NOS1: variants seen among roughly 807,000 people sequenced by gnomAD.
The protein encoded by NOS1 is nitric oxide synthase 1.
In NOS1, 51 loss-of-function variants were observed where a neutral mutation model predicts 164.5. The ratio of observed to expected loss-of-function variants is 0.31; its 90% CI spans 0.25 to 0.39. NOS1 has a LOEUF of 0.39. Ranked by LOEUF, NOS1 falls within the 10% of genes least tolerant of loss-of-function variation. The pLI is 1.00. For synonymous variants in NOS1, 719 were observed against 745.8 expected, an observed-to-expected ratio of 0.96 and a Z score of 0.59; for missense variants, 1,362 against 1,885.6, an observed-to-expected ratio of 0.72 and a Z score of 5.14.
rs932248336 is a variant in NOS1, at chr12:117,211,177, C to G, written c.*4132G>C. Reference sequence around the variant, plus strand: ...TTTCTACTAACTGGCTGACTGGTCTCCAACTCCTGACCTCAACTGATACAC... The same window carrying G: ...TTTCTACTAACTGGCTGACTGGTCTGCAACTCCTGACCTCAACTGATACAC... On this transcript the variant is annotated 3_prime_UTR_variant, in exon 29 of 29. Transcript: ENST00000317775. The G allele has an allele frequency of 4.6e-6, 4 of 877,120 alleles. No homozygotes were observed. In the African/African-American group the frequency reaches 7.3e-5, roughly 16 times the overall value. 54.3% of individuals were successfully genotyped at this position (877,120 alleles called of 1,614,324 possible). A position where few individuals can be genotyped will look rare whatever the true frequency, so the allele number is the denominator to read the frequency against.
At chr12:117,256,485 C>T (rs1871464900) in intron 16 of NOS1, among the ~76,000 whole-genome samples, 1 of 151,706 alleles carries the variant, frequency 6.6e-6, no homozygotes, top group Non-Finnish European at 1.5e-5. Flanking sequence ...ACCATGTTGG[C>T]CAGGCTGGTC....
chr12:117,298,307 G>T (rs1236110479), intron 3 of NOS1, among the ~76,000 whole-genome samples: 3 of 152,054 alleles, frequency 2.0e-5, no homozygotes, highest in African/African-American at 7.2e-5. Context: ...GGCCACCACT[G>T]ATCTGACAGG....
intron 11 of NOS1, 28 bp from the exon 12 acceptor site, chr12:117,265,538 G>C: frequency 2.8e-6 from 4 of 1,448,396 alleles, no homozygotes; most frequent in Non-Finnish European, 3.7e-6. Flanking sequence ...ACAGGGGTCA[G>C]GAGGTATGAG....
intron 3 of NOS1, among the ~76,000 whole-genome samples, chr12:117,304,479 C>T (rs1045178480): frequency 2.0e-5 from 3 of 152,154 alleles, no homozygotes; most frequent in African/African-American, 7.2e-5. Context: ...ATGTGAGTCT[C>T]TCCCCACACA....
At chr12:117,273,920 A>G (rs1054399404) in intron 9 of NOS1, among the ~76,000 whole-genome samples, 6 of 152,184 alleles carry the variant, frequency 3.9e-5, no homozygotes, top group African/African-American at 1.4e-4. Context: ...AGATTTTATG[A>G]ATAAGACCTC....
chr12:117,222,614 A>C, intron 26 of NOS1, 101 bp downstream of exon 26: 1 of 1,122,258 alleles, frequency 8.9e-7, no homozygotes, highest in Non-Finnish European at 1.3e-6. Flanking sequence ...TAGAGGGAAA[A>C]TCAGGAAGCT....
rs1254032995 is a variant in NOS1 at position 117,209,215 on chromosome 12, A to AG, written c.*6093dup. ...TTCTCTTGACCCTGAAGTCCAAGAG[A>AG]GGGGTGTTGCCCCCTGGGGACATTG... On this transcript the variant is annotated 3_prime_UTR_variant, in exon 29 of 29. Transcript: ENST00000317775. 1 of 985,252 alleles carries AG rather than the reference A, an allele frequency of 1.0e-6. No homozygotes were observed. The highest frequency in any genetic ancestry group is 1.1e-4 in the East Asian group (1 of 8,818). The allele number at this position is 985,252 out of a possible 1,614,324, so 61.0% of individuals were successfully genotyped here.
intron 3 of NOS1, among the ~76,000 whole-genome samples, chr12:117,290,868 G>A (rs554502098): frequency 6.6e-6 from 1 of 152,182 alleles, no homozygotes; most frequent in African/African-American, 2.4e-5. Flanking sequence ...TTCTGTGACA[G>A]TCCAAACTCA....
At chr12:117,324,305 T>C (rs1362809081) in intron 2 of NOS1, among the ~76,000 whole-genome samples, 1 of 151,634 alleles carries the variant, frequency 6.6e-6, no homozygotes, top group Non-Finnish European at 1.5e-5. Flanking sequence ...GAGGGAGGGG[T>C]TATCAGAGCA....
chr12:117,341,459 T>C (rs934775754), intron 1 of NOS1, among the ~76,000 whole-genome samples: 1 of 152,182 alleles, frequency 6.6e-6, no homozygotes, highest in Non-Finnish European at 1.5e-5. Flanking sequence ...ATCTGGGGAA[T>C]CACAGAGTCT....
intron 2 of NOS1, among the ~76,000 whole-genome samples, chr12:117,315,899 A>C (rs1874646538): frequency 6.6e-6 from 1 of 152,176 alleles, no homozygotes. Flanking sequence ...TATCAGAAGG[A>C]AACAGAGAAA....
At position 117,214,799 on chromosome 12, in the gene NOS1, G is replaced by A. The variant is rs1225556324; in HGVS notation, c.*510C>T. Reference sequence around the variant, plus strand: ...GTGGCAATCTAAGATCGACACACTTGTGCAGGGAAGAGGACGGACAGAGAC... The same window carrying A: ...GTGGCAATCTAAGATCGACACACTTATGCAGGGAAGAGGACGGACAGAGAC... On this transcript the variant is annotated 3_prime_UTR_variant, in exon 29 of 29. Coordinates refer to ENST00000317775, the MANE Select transcript of NOS1 (RefSeq NM_000620.5). 1 of 985,428 alleles carries A rather than the reference G, an allele frequency of 1.0e-6. No individual in the cohort carries two copies. Among genetic ancestry groups the A allele is most frequent in the Admixed American group, 6.2e-5 (1 of 16,176 alleles). The allele number at this position is 985,428 out of a possible 1,614,324, so 61.0% of individuals were successfully genotyped here.
At chr12:117,326,369 A>G (rs1452320395) in intron 2 of NOS1, among the ~76,000 whole-genome samples, 1 of 148,640 alleles carries the variant, frequency 6.7e-6, no homozygotes, top group Non-Finnish European at 1.5e-5. Flanking sequence ...ATGGGTGACA[A>G]AGCGAGACTC....
chr12:117,233,215 T>C (rs1016878992), intron 21 of NOS1, among the ~76,000 whole-genome samples: 2 of 151,386 alleles, frequency 1.3e-5, no homozygotes, highest in Non-Finnish European at 1.5e-5. Context: ...GCCTGGCTAA[T>C]TTTTTGTATT....
intron 10 of NOS1, among the ~76,000 whole-genome samples, chr12:117,269,429 G>A (rs1336306715): frequency 1.3e-5 from 2 of 148,714 alleles, no homozygotes; most frequent in Non-Finnish European, 3.0e-5. Context: ...TATTCCAGAT[G>A]TGACGGGCCC....
In NOS1 at chr12:117,359,876, T is replaced by TTA. The variant is rs56787288; in HGVS notation, c.-421+1634_-421+1635dup. ...GTCCCAGAGCATTACAATAATGGTT[T>TTA]TATATATATATATATATATATATAT... On this transcript the variant is annotated intron_variant, in intron 1 of 28. Coordinates refer to ENST00000317775, the MANE Select transcript of NOS1 (RefSeq NM_000620.5). 1.4e-3 allele frequency among the ~76,000 whole-genome samples: 51 copies of TTA among 36,938 alleles called. 5 individuals are homozygous for TTA. Among genetic ancestry groups the TTA allele is most frequent in the Admixed American group, 1.9e-3 (5 of 2,572 alleles). The allele number at this position is 36,938 out of a possible 152,430, so 24.2% of individuals were successfully genotyped here.
At chr12:117,237,613 T>C (rs1297944077) in intron 20 of NOS1, among the ~76,000 whole-genome samples, 2 of 152,000 alleles carry the variant, frequency 1.3e-5, no homozygotes, top group African/African-American at 4.8e-5. Flanking sequence ...CACACATGCT[T>C]GGCGGTGGCT....
At chr12:117,350,521 T>C (rs144255093) in intron 1 of NOS1, among the ~76,000 whole-genome samples, 132 of 152,342 alleles carry the variant, frequency 8.7e-4, no homozygotes, top group African/African-American at 2.8e-3. Flanking sequence ...AAGTACCTTG[T>C]GTGTTTGAAA....
At chr12:117,245,158 C>T (rs1340365552) in intron 18 of NOS1, among the ~76,000 whole-genome samples, 1 of 152,166 alleles carries the variant, frequency 6.6e-6, no homozygotes, top group Non-Finnish European at 1.5e-5. Flanking sequence ...CATTTGCTTT[C>T]AGGATGAAAA....
Sources: gnomAD v4.1 joint callset for allele counts (sites outside exome capture counted in the v4.1 genomes callset) on GRCh38, gnomAD v4.1.1 for gene constraint, MANE v1.5 for transcripts, NCBI Gene and HGNC (gene_info 2026-07-23, HGNC 2026-07-21) for gene names.